Variants in CNTNAP2 observed in about 807,000 individuals in gnomAD.
The protein encoded by CNTNAP2 is contactin-associated protein-like 2.
A neutral mutation model predicts 155.2 loss-of-function variants in CNTNAP2; 98 were observed. The ratio of observed to expected loss-of-function variants is 0.63; its 90% CI spans 0.54 to 0.75. The LOEUF (loss-of-function observed/expected upper bound fraction) is 0.75, where lower values mean the gene tolerates loss of function less well. Ranked by LOEUF, CNTNAP2 falls within the 30% of genes least tolerant of loss-of-function variation. CNTNAP2 has a pLI of 0.00. For missense variants in CNTNAP2, 1,727 were observed against 1,688.1 expected, an observed-to-expected ratio of 1.02 and a Z score of -0.40; for synonymous variants, 651 against 631.2, an observed-to-expected ratio of 1.03 and a Z score of -0.47.
At chr7:147,599,350 C>T (rs567885637) in intron 12 of CNTNAP2, among the ~76,000 whole-genome samples, 1 of 151,678 alleles carries the variant, frequency 6.6e-6, no homozygotes, top group South Asian at 2.1e-4. Flanking sequence ...AAAAAATTAG[C>T]CGGCATGGTG....
intron 1 of CNTNAP2, among the ~76,000 whole-genome samples, chr7:146,454,031 A>T (rs572290646): frequency 3.9e-5 from 6 of 152,182 alleles, no homozygotes; most frequent in Non-Finnish European, 8.8e-5. Flanking sequence ...TTCAAAAAAA[A>T]TAGAAGTTCA....
intron 4 of CNTNAP2, among the ~76,000 whole-genome samples, chr7:147,075,795 C>T (rs773796003): frequency 2.6e-5 from 4 of 152,026 alleles, no homozygotes; most frequent in East Asian, 1.9e-4. Context: ...CCCTACCCCA[C>T]GATAGGCCCC....
At chr7:148,247,654 TATTTA>T (rs1563010635) in intron 20 of CNTNAP2, among the ~76,000 whole-genome samples, 41 of 146,302 alleles carry the variant, frequency 2.8e-4, no homozygotes, top group Non-Finnish European at 4.7e-4. Context: ...TTTATTTATT[TATTTA>T]TTTATTTTTT....
intron 1 of CNTNAP2, among the ~76,000 whole-genome samples, chr7:146,578,817 C>T (rs986032575): frequency 3.9e-5 from 6 of 152,214 alleles, no homozygotes; most frequent in Non-Finnish European, 7.4e-5. Context: ...GTTTGTTACT[C>T]GCTGTAGACA....
chr7:147,804,816 A>G (rs1256169984), intron 13 of CNTNAP2, among the ~76,000 whole-genome samples: 1 of 152,118 alleles, frequency 6.6e-6, no homozygotes, highest in Non-Finnish European at 1.5e-5. Context: ...ATCTTCCCAC[A>G]GTGCTGGGAT....
intron 9 of CNTNAP2, among the ~76,000 whole-genome samples, chr7:147,365,179 G>C (rs925646252): frequency 6.6e-6 from 1 of 151,742 alleles, no homozygotes; most frequent in Non-Finnish European, 1.5e-5. Flanking sequence ...AGAGGCAGGC[G>C]AATCACCTGA....
intron 10 of CNTNAP2, among the ~76,000 whole-genome samples, chr7:147,421,429 A>G (rs1426168650): frequency 6.6e-6 from 1 of 152,112 alleles, no homozygotes; most frequent in African/African-American, 2.4e-5. Flanking sequence ...TATTCATTCA[A>G]AATAGTCACA....
At chr7:148,129,005 A>G (rs1351290803) in intron 16 of CNTNAP2, among the ~76,000 whole-genome samples, 3 of 152,144 alleles carry the variant, frequency 2.0e-5, no homozygotes, top group Admixed American at 6.5e-5. Flanking sequence ...TTGAAGATAC[A>G]ACTGCCTTCT....
chr7:147,611,378 T>C (rs1291279269), intron 12 of CNTNAP2, among the ~76,000 whole-genome samples: 1 of 152,002 alleles, frequency 6.6e-6, no homozygotes, highest in Non-Finnish European at 1.5e-5. Flanking sequence ...CCAGTGTGAG[T>C]GAAAAAGGAA....
intron 1 of CNTNAP2, among the ~76,000 whole-genome samples, chr7:146,598,423 C>T (rs151193795): frequency 4.6e-5 from 7 of 152,162 alleles, no homozygotes; most frequent in East Asian, 3.9e-4. Flanking sequence ...TTTTTATACT[C>T]ACTGTCTGTA....
In CNTNAP2 at chr7:146,511,531, A is replaced by G. The variant is rs537939466; in HGVS notation, c.98-262740A>G. On this transcript the variant is annotated intron_variant, in intron 1 of 23. Coordinates refer to ENST00000361727, the MANE Select transcript of CNTNAP2 (RefSeq NM_014141.6). ...TATATCAAATACTTTTTTAGCATCT[A>G]TGGAAATAAACATTTTTTTAAAAAT... Among the ~76,000 whole-genome samples the G allele has an allele frequency of 2.6e-5, 4 of 152,320 alleles. No individual in the cohort carries two copies. In the East Asian group the frequency reaches 5.8e-4, roughly 22 times the overall value.
intron 12 of CNTNAP2, among the ~76,000 whole-genome samples, chr7:147,595,969 A>AT (rs1800819860): frequency 6.6e-6 from 1 of 151,666 alleles, no homozygotes; most frequent in East Asian, 1.9e-4. Flanking sequence ...TTTGTTTTTG[A>AT]TTTTTTGTTT....
chr7:146,243,879 G>C (rs981607120), intron 1 of CNTNAP2, among the ~76,000 whole-genome samples: 1 of 152,124 alleles, frequency 6.6e-6, no homozygotes, highest in Non-Finnish European at 1.5e-5. Context: ...TGTTGGGACA[G>C]CGAAAATTTT....
Position 148,366,091 on chromosome 7 carries a change from CATGTATGTGTATG to C in CNTNAP2, c.3476-17557_3476-17545del, listed in dbSNP as rs1798761513. On this transcript the variant is annotated intron_variant, in intron 21 of 23. Transcript: ENST00000361727. ...ATGCATGTATGTGTGTGCATGTATA[CATGTATGTGTATG>C]CATGTATGCATGTATGTGTATGCAT... 2.3e-4 allele frequency among the ~76,000 whole-genome samples: 3 copies of C among 13,222 alleles called. 1 individual carries two copies. Among genetic ancestry groups the C allele is most frequent in the African/African-American group, 5.0e-4 (3 of 5,990 alleles). The allele number at this position is 13,222 out of a possible 152,430, so 8.7% of individuals were successfully genotyped here.
chr7:148,305,222 C>CAAAAAAA (rs34005083), intron 21 of CNTNAP2, among the ~76,000 whole-genome samples: 6 of 51,944 alleles, frequency 1.2e-4, no homozygotes, highest in African/African-American at 3.5e-4. Flanking sequence ...GGCCCTGTCT[C>CAAAAAAA]AAAAAAAAAA....
Position 147,141,643 on chromosome 7 carries a change from A to G in CNTNAP2, c.1348+9134A>G, listed in dbSNP as rs549673045. ...CTTTAAAAATTGCCCAGAGCATTTG[A>G]GTCTAAAGTCACTAACCTTGGCCAC... On this transcript the variant is annotated intron_variant, in intron 8 of 23. Coordinates refer to ENST00000361727, the MANE Select transcript of CNTNAP2 (RefSeq NM_014141.6). 7.2e-5 allele frequency among the ~76,000 whole-genome samples: 11 copies of G among 152,236 alleles called. No homozygotes were observed. In the East Asian group the frequency reaches 1.9e-3, roughly 27 times the overall value.
At chr7:148,347,184 G>C (rs906584260) in intron 21 of CNTNAP2, among the ~76,000 whole-genome samples, 2 of 151,840 alleles carry the variant, frequency 1.3e-5, no homozygotes, top group Non-Finnish European at 2.9e-5. Flanking sequence ...CTGAACCCGG[G>C]AAGTGGAGAT....
intron 15 of CNTNAP2, among the ~76,000 whole-genome samples, chr7:148,029,701 TA>T (rs1277372038): frequency 6.6e-6 from 1 of 152,218 alleles, no homozygotes; most frequent in African/African-American, 2.4e-5. Flanking sequence ...GACTCGATGG[TA>T]GTCTCAGAGA....
At chr7:148,213,253 A>C (rs1795579331) in intron 18 of CNTNAP2, among the ~76,000 whole-genome samples, 1 of 152,202 alleles carries the variant, frequency 6.6e-6, no homozygotes, top group South Asian at 2.1e-4. Flanking sequence ...CCTGGGGACC[A>C]GCATTTTAAC....
Sources: allele counts gnomAD v4.1 joint callset (sites outside exome capture counted in the v4.1 genomes callset), GRCh38; gene constraint gnomAD v4.1.1; transcripts MANE v1.5; gene names NCBI Gene and HGNC (gene_info 2026-07-23, HGNC 2026-07-21).